Variants in VPS35 observed in about 807,000 individuals in gnomAD.
The protein encoded by VPS35 is VPS35 retromer complex component.
Under a neutral mutation model 98.1 loss-of-function variants are expected in VPS35, and 21 were observed. The ratio of observed to expected loss-of-function variants is 0.21; its 90% confidence interval spans 0.15 to 0.31. The LOEUF (loss-of-function observed/expected upper bound fraction) is 0.31, where lower values mean the gene tolerates loss of function less well. Ranked by LOEUF, VPS35 falls within the 10% of genes least tolerant of loss-of-function variation. The probability of loss-of-function intolerance (pLI) is 1.00; values close to 1 mark genes in which losing one functional copy is unlikely to be tolerated. For synonymous variants in VPS35, 268 were observed against 318.2 expected, an observed-to-expected ratio of 0.84 and a Z score of 1.68; for missense variants, 554 against 950.8, an observed-to-expected ratio of 0.58 and a Z score of 5.49.
rs574314379 is a variant in VPS35 at position 46,676,212 on chromosome 16, T to C, written c.914+371A>G. On this transcript the variant is annotated intron_variant, in intron 8 of 16. Coordinates refer to ENST00000299138, the MANE Select transcript of VPS35 (RefSeq NM_018206.6). ...AATCATCAGTATCTTACGGCTACTC[T>C]AAATCAAATGAGTTCCCACTGCAAG... Among the ~76,000 whole-genome samples the C allele has an allele frequency of 3.3e-5, 5 of 152,282 alleles. No individual in the cohort carries two copies. In the East Asian group the frequency reaches 9.6e-4, roughly 29 times the overall value.
In VPS35 at chr16:46,674,605, G is replaced by A. The variant is rs1966116110; in HGVS notation, c.970C>T (p.Leu324Phe). 6.2e-7 allele frequency: 1 copy of A among 1,610,888 alleles called. No homozygotes were observed. The highest frequency in any genetic ancestry group is 1.3e-5 in the African/African-American group (1 of 74,500). Residue 324 changes from leucine to phenylalanine, a missense_variant, in exon 9 of 17, where the codon CTT becomes TTT. Leu to Phe is a conservative substitution (Grantham distance 22). Transcript: ENST00000299138. ...DGPGIPADIKLFDIFSQQVAT... is the reference protein window; with the variant it reads ...DGPGIPADIKFFDIFSQQVAT... ...ACCTGCTGTGAAAATATATCAAAAAGTTTAATATCCGCTGGGATTCCAGGT... is the reference window on the plus strand; with the variant it reads ...ACCTGCTGTGAAAATATATCAAAAAATTTAATATCCGCTGGGATTCCAGGT...
intron 6 of VPS35, 151 bp downstream of exon 6, chr16:46,678,792 G>A: frequency 1.4e-6 from 1 of 739,440 alleles, no homozygotes; most frequent in Non-Finnish European, 2.2e-6. Flanking sequence ...CACAAACACT[G>A]CATATATATC....
chr16:46,666,388 A>C (rs1314382697), intron 13 of VPS35, among the ~76,000 whole-genome samples: 6 of 144,864 alleles, frequency 4.1e-5, no homozygotes, highest in East Asian at 4.1e-4. Flanking sequence ...CCTGCCTCAG[A>C]CTCCCGAGTA....
chr16:46,668,752 C>T (rs779520312), intron 13 of VPS35, among the ~76,000 whole-genome samples, 178 bp downstream of exon 13: 10 of 152,112 alleles, frequency 6.6e-5, no homozygotes, highest in Admixed American at 6.5e-5. Context: ...CCACCATCAC[C>T]GTTAGGAACA....
chr16:46,676,640 C>G lies in VPS35; in HGVS notation c.857G>C (p.Cys286Ser). The change falls in exon 8 of 17, where the codon TGT (cysteine) becomes TCT (serine). Residue 286 changes from cysteine to serine, a missense_variant. Around this residue, in one of 5 missense-constraint regions of VPS35, gnomAD observed 254 missense variants for 390.1 expected, o/e 0.65. Coordinates refer to ENST00000299138, the MANE Select transcript of VPS35 (RefSeq NM_018206.6). Reference sequence around the variant, plus strand: ...ATTTACATTCTGGTGTAACTCAGCACAGGCCCGAAGAAAAGGATTCAAAGT... The same window carrying G: ...ATTTACATTCTGGTGTAACTCAGCAGAGGCCCGAAGAAAAGGATTCAAAGT... Reference protein sequence around the residue: ...LQTLNPFLRACAELHQNVNVK... With the variant: ...LQTLNPFLRASAELHQNVNVK... The G allele has an allele frequency of 6.2e-7, 1 of 1,613,288 alleles. No individual in the cohort carries two copies. The highest frequency in any genetic ancestry group is 1.7e-5 in the Admixed American group (1 of 59,994).
intron 13 of VPS35, among the ~76,000 whole-genome samples, chr16:46,664,788 TAGGATTAC>T (rs1357702917): frequency 1.3e-5 from 2 of 152,238 alleles, no homozygotes; most frequent in East Asian, 3.8e-4. Context: ...CCCAAAGTGC[TAGGATTAC>T]AGGCGTGAGC....
Position 46,662,564 on chromosome 16 carries a change from C to T in VPS35, c.1828-82G>A, listed in dbSNP as rs567148854. ...TTTTCCAAAGTACTTGTCACCAAAC[C>T]TCCATCCTGTGAGACTTCTGCAGCC... On this transcript the variant is annotated intron_variant, in intron 14 of 16. Coordinates refer to ENST00000299138, the MANE Select transcript of VPS35 (RefSeq NM_018206.6). 9 of 1,594,984 alleles carry T rather than the reference C, an allele frequency of 5.6e-6. No individual in the cohort carries two copies. In the African/African-American group the frequency reaches 1.2e-4, roughly 21 times the overall value.
intron 12 of VPS35, among the ~76,000 whole-genome samples, chr16:46,670,741 G>A (rs1286190383): frequency 6.6e-6 from 1 of 152,124 alleles, no homozygotes; most frequent in Non-Finnish European, 1.5e-5. Context: ...CAATACCACA[G>A]TCCTGGAATG....
chr16:46,669,083 T>TTCC, intron 12 of VPS35, 31 bp from the exon 13 acceptor site: 6 of 1,613,772 alleles, frequency 3.7e-6, no homozygotes, highest in Non-Finnish European at 5.1e-6. Context: ...AAAAAAAAAT[T>TTCC]TCCAAACTCT....
chr16:46,684,349 T>C (rs1403624338), intron 1 of VPS35, among the ~76,000 whole-genome samples: 1 of 152,160 alleles, frequency 6.6e-6, no homozygotes, highest in African/African-American at 2.4e-5. Flanking sequence ...AGGAACTAGT[T>C]TACGAGAACA....
intron 12 of VPS35, 147 bp downstream of exon 12, chr16:46,671,558 G>T: frequency 2.6e-6 from 3 of 1,159,428 alleles, no homozygotes; most frequent in Non-Finnish European, 2.5e-6. Flanking sequence ...TACAACCTCC[G>T]CCTCCCAGGT....
chr16:46,689,114 G>A lies in VPS35; in HGVS notation c.3+17C>T, dbSNP rs770687030. 5.7e-5 allele frequency: 92 copies of A among 1,608,010 alleles called. No individual in the cohort carries two copies. The highest frequency in any genetic ancestry group is 7.6e-5 in the Non-Finnish European group (89 of 1,178,114). On this transcript the variant is annotated intron_variant, in intron 1 of 16. Coordinates refer to ENST00000299138, the MANE Select transcript of VPS35 (RefSeq NM_018206.6). ...AAGGAGGGTCGACCCAGGTGCCACT[G>A]CCCCCTCAGCACTCACCATGGCGAC...
At chr16:46,683,429 C>A (rs2143009070) in intron 2 of VPS35, 79 bp downstream of exon 2, 1 of 1,326,546 alleles carries the variant, frequency 7.5e-7, no homozygotes, top group East Asian at 2.3e-5. Context: ...ACCAGAAACA[C>A]CTGACTCTAG....
In VPS35 at chr16:46,661,259, C is replaced by T. The variant is rs150566564; in HGVS notation, c.2211+459G>A. On this transcript the variant is annotated intron_variant, in intron 16 of 16. Coordinates refer to ENST00000299138, the MANE Select transcript of VPS35 (RefSeq NM_018206.6). The surrounding 1 kb of genome is among the most constrained non-coding windows in gnomAD (Gnocchi z 4.3). ...TATTATTATTTTTGAGACGGAGTTT[C>T]ACTCTTGTTGCCCAGGCAGGAGTGC... Among the ~76,000 whole-genome samples the T allele has an allele frequency of 4.4e-3, 667 of 152,330 alleles. 4 individuals are homozygous for T. Among genetic ancestry groups the T allele is most frequent in the African/African-American group, 0.015 (627 of 41,578 alleles).
chr16:46,677,556 G>A, intron 6 of VPS35, 158 bp from the exon 7 acceptor site: 1 of 673,746 alleles, frequency 1.5e-6, no homozygotes, highest in South Asian at 1.8e-5. Flanking sequence ...TTCTTTTTGA[G>A]ACAAGGTCTT....
intron 1 of VPS35, among the ~76,000 whole-genome samples, chr16:46,686,502 C>T (rs183651692): frequency 1.3e-5 from 2 of 152,154 alleles, no homozygotes; most frequent in African/African-American, 2.4e-5. Flanking sequence ...AATGTAAATA[C>T]AAAATGTTGA....
At chr16:46,669,776 G>A (rs1966042075) in intron 12 of VPS35, among the ~76,000 whole-genome samples, 2 of 152,130 alleles carry the variant, frequency 1.3e-5, no homozygotes, top group Non-Finnish European at 2.9e-5. Flanking sequence ...GTGGCCTTGG[G>A]CAAATTATTT....
intron 6 of VPS35, chr16:46,677,744 C>T (rs1406101374): frequency 3.4e-6 from 1 of 290,816 alleles, no homozygotes. Context: ...CTATGTTGCC[C>T]AGGCCTGTCT....
Position 46,656,610 on chromosome 16 carries a change from T to C in VPS35, c.*3862A>G, listed in dbSNP as rs1341784640. The C allele has an allele frequency of 6.6e-6, 1 of 152,236 alleles. No homozygotes were observed. The highest frequency in any genetic ancestry group is 1.5e-5 in the Non-Finnish European group (1 of 68,040). The allele number at this position is 152,236 out of a possible 1,614,324, so 9.4% of individuals were successfully genotyped here. On this transcript the variant is annotated 3_prime_UTR_variant, in exon 17 of 17. Transcript: ENST00000299138. ...TATGAAGCGTCCAAAGGTTTCCTTG[T>C]GTTTCTATTTCTCTAAGTGAAAATG...
Sources: allele counts gnomAD v4.1 joint callset (sites outside exome capture counted in the v4.1 genomes callset), GRCh38; gene constraint gnomAD v4.1.1; regional missense constraint gnomAD v4.1.1; non-coding constraint Gnocchi (gnomAD v3.1); transcripts MANE v1.5; gene names NCBI Gene and HGNC (gene_info 2026-07-23, HGNC 2026-07-21).